CDH4: variants seen among roughly 807,000 people sequenced by gnomAD.
CDH4 encodes the protein cadherin 4.
Under a neutral mutation model 86.0 loss-of-function variants are expected in CDH4, and 33 were observed. The observed-to-expected ratio is 0.38, with a 90% CI of 0.29 to 0.51. CDH4 has a LOEUF of 0.51. CDH4 is among the 20% of genes least tolerant of loss of function. The probability of loss-of-function intolerance (pLI) is 0.86; values close to 1 mark genes in which losing one functional copy is unlikely to be tolerated. For missense variants in CDH4, 1,114 were observed against 1,307.4 expected (o/e 0.85, Z 2.28); for synonymous variants, 555 against 549.4 (o/e 1.01, Z -0.14).
chr20:61,822,557 C>A (rs1463722750), intron 4 of CDH4, among the ~76,000 whole-genome samples: 4 of 152,190 alleles, frequency 2.6e-5, no homozygotes, highest in Admixed American at 6.5e-5. Context: ...TGCACACAGC[C>A]ACACGGCAGG....
At chr20:61,409,847 A>G (rs753858509) in intron 2 of CDH4, among the ~76,000 whole-genome samples, 5 of 151,394 alleles carry the variant, frequency 3.3e-5, no homozygotes, top group Non-Finnish European at 5.9e-5. Context: ...GAAGCTCATC[A>G]TCATAATTAA....
At chr20:61,572,521 A>T (rs1374295065) in intron 2 of CDH4, among the ~76,000 whole-genome samples, 1 of 152,120 alleles carries the variant, frequency 6.6e-6, no homozygotes. Flanking sequence ...AGGAGGGGGA[A>T]CTGCAGGTCC....
At chr20:61,426,861 A>T (rs947886578) in intron 2 of CDH4, among the ~76,000 whole-genome samples, 6 of 152,200 alleles carry the variant, frequency 3.9e-5, no homozygotes, top group Non-Finnish European at 8.8e-5. Flanking sequence ...CAAAATGAAG[A>T]TGTTCTTCTA....
intron 2 of CDH4, among the ~76,000 whole-genome samples, chr20:61,530,628 A>G (rs1427827616): frequency 1.3e-5 from 2 of 152,106 alleles, no homozygotes; most frequent in African/African-American, 4.8e-5. Flanking sequence ...GGCCCTCGGA[A>G]AATAGAGAGG....
intron 6 of CDH4, among the ~76,000 whole-genome samples, chr20:61,865,630 G>T (rs1983512943): frequency 1.3e-5 from 2 of 151,720 alleles, no homozygotes; most frequent in Non-Finnish European, 2.9e-5. Flanking sequence ...TTCCTAGACT[G>T]GTTAGTGTAG....
intron 2 of CDH4, among the ~76,000 whole-genome samples, chr20:61,592,597 A>G (rs1446252451): frequency 1.3e-5 from 2 of 152,092 alleles, no homozygotes; most frequent in African/African-American, 4.8e-5. Context: ...GAGAAACCCC[A>G]TCCCTATTAA....
At chr20:61,286,374 C>T (rs1481339366) in intron 2 of CDH4, among the ~76,000 whole-genome samples, 2 of 152,188 alleles carry the variant, frequency 1.3e-5, no homozygotes, top group African/African-American at 2.4e-5. Context: ...ACTTGCTTTG[C>T]GAAGCTCACT....
intron 7 of CDH4, among the ~76,000 whole-genome samples, chr20:61,877,983 C>T (rs1481512496): frequency 6.6e-6 from 1 of 152,138 alleles, no homozygotes; most frequent in East Asian, 1.9e-4. Context: ...ACAGGGTCAT[C>T]ACCAGGAACC....
intron 2 of CDH4, among the ~76,000 whole-genome samples, chr20:61,469,303 A>T (rs1221118647): frequency 6.6e-6 from 1 of 152,194 alleles, no homozygotes; most frequent in African/African-American, 2.4e-5. Context: ...CATTTCTGTG[A>T]TGAGCAGTGA....
chr20:61,574,812 G>T (rs550562449), intron 2 of CDH4, among the ~76,000 whole-genome samples: 1 of 152,142 alleles, frequency 6.6e-6, no homozygotes, highest in Non-Finnish European at 1.5e-5. Context: ...CAAGTCCAGG[G>T]TTCTCATAGA....
At chr20:61,774,586 G>A (rs543710164) in intron 4 of CDH4, among the ~76,000 whole-genome samples, 52 of 152,276 alleles carry the variant, frequency 3.4e-4, no homozygotes, top group East Asian at 1.2e-3. Context: ...CTAGGTAAAC[G>A]TGTGCCATGG....
chr20:61,338,253 A>G (rs1248786643), intron 2 of CDH4, among the ~76,000 whole-genome samples: 2 of 152,210 alleles, frequency 1.3e-5, no homozygotes, highest in East Asian at 1.9e-4. Flanking sequence ...CAAGTTATCA[A>G]GGTACTTTAA....
chr20:61,541,030 G>A (rs1354462369), intron 2 of CDH4, among the ~76,000 whole-genome samples: 1 of 152,174 alleles, frequency 6.6e-6, no homozygotes, highest in African/African-American at 2.4e-5. Flanking sequence ...AAAATTTGAC[G>A]ATTCCCCATT....
intron 4 of CDH4, among the ~76,000 whole-genome samples, chr20:61,819,985 A>G (rs1044841044): frequency 1.3e-5 from 2 of 152,180 alleles, no homozygotes; most frequent in Non-Finnish European, 2.9e-5. Flanking sequence ...AGCCAAGCCC[A>G]GGGGTGGCCA....
At chr20:61,470,580 AG>A (rs1483882159) in intron 2 of CDH4, among the ~76,000 whole-genome samples, 8 of 152,136 alleles carry the variant, frequency 5.3e-5, no homozygotes, top group Non-Finnish European at 1.5e-5. Context: ...GTTGAATAAG[AG>A]TAGTGACAGT....
chr20:61,433,507 T>TAAA (rs11204456), intron 2 of CDH4, among the ~76,000 whole-genome samples: 1 of 149,014 alleles, frequency 6.7e-6, no homozygotes, highest in African/African-American at 2.5e-5. Context: ...ACTTGTCATG[T>TAAA]AAAAAAAAAA....
chr20:61,629,927 C>T (rs1034778777), intron 2 of CDH4, among the ~76,000 whole-genome samples: 5 of 152,178 alleles, frequency 3.3e-5, no homozygotes, highest in South Asian at 2.1e-4. Context: ...TGTGACTCAG[C>T]GCAAGGAGTC....
intron 8 of CDH4, 24 bp from the exon 9 acceptor site, chr20:61,910,398 A>C (rs2054836728): frequency 6.2e-7 from 1 of 1,606,936 alleles, no homozygotes; most frequent in Non-Finnish European, 8.5e-7. Flanking sequence ...CGGGTTTGTG[A>C]CATTCTTTCC....
chr20:61,484,409 C>A (rs2085584681), intron 2 of CDH4, among the ~76,000 whole-genome samples: 1 of 152,222 alleles, frequency 6.6e-6, no homozygotes, highest in African/African-American at 2.4e-5. Context: ...ACTCTCATAT[C>A]TGCAGTGCCC....
Sources: allele counts gnomAD v4.1 joint callset (sites outside exome capture counted in the v4.1 genomes callset), GRCh38; gene constraint gnomAD v4.1.1; transcripts MANE v1.5; gene names NCBI Gene and HGNC (gene_info 2026-07-23, HGNC 2026-07-21).